Variants in IL11 observed in about 807,000 individuals in gnomAD.
The protein encoded by IL11 is interleukin 11.
IL11 carries 17 observed loss-of-function variants against 18.1 expected under a neutral mutation model. The observed-to-expected ratio is 0.94, with a 90% CI of 0.64 to 1.41. The LOEUF (loss-of-function observed/expected upper bound fraction) is 1.41, where lower values mean the gene tolerates loss of function less well. IL11 is among the 40% of genes most tolerant of loss of function. IL11 has a pLI of 0.00. For missense variants in IL11, 309 were observed against 262.8 expected (o/e 1.18, Z -1.22); for synonymous variants, 144 against 134.1 (o/e 1.07, Z -0.51).
chr19:55,369,026 G>A lies in IL11; in HGVS notation c.8-85C>T. 8.0e-7 allele frequency: 1 copy of A among 1,251,238 alleles called. No individual in the cohort carries two copies. 77.5% of individuals were successfully genotyped at this position (1,251,238 alleles called of 1,614,324 possible). A position where few individuals can be genotyped will look rare whatever the true frequency, so the allele number is the denominator to read the frequency against. ...TGGGCCTGGACTCCCGGGTCTGAGG[G>A]AGGAGGAACTGGGGTCTGGACTCCT... is the stretch of plus-strand genomic sequence containing the variant. On this transcript the variant is annotated intron_variant, in intron 1 of 4. Transcript: ENST00000264563. This position sits in a 1 kb window ranked among gnomAD's most constrained non-coding sequence, Gnocchi z 6.1.
In IL11 at chr19:55,370,404, C is replaced by A; in HGVS notation, c.-94G>T. ...CCGCTGCCGGGGGAGCCCCGAGGGT[C>A]AGCTGGGCCGCGGCCTGGGGAGGGG... On this transcript the variant is annotated 5_prime_UTR_variant, in exon 1 of 5. It removes the in-frame stop codon of an upstream open reading frame in the 5' UTR. Coordinates refer to ENST00000264563, the MANE Select transcript of IL11 (RefSeq NM_000641.4). 2 of 1,143,134 alleles carry A rather than the reference C, an allele frequency of 1.7e-6. No individual in the cohort carries two copies. The highest frequency in any genetic ancestry group is 4.3e-5 in the South Asian group (2 of 46,746). 70.8% of individuals were successfully genotyped at this position (1,143,134 alleles called of 1,614,324 possible).
At position 55,366,055 on chromosome 19, in the gene IL11, T is replaced by C. The variant is rs2089783106; in HGVS notation, c.552A>G (p.Thr184=). The change falls in exon 5 of 5, where the codon ACA becomes ACG. Residue 184 remains threonine, a synonymous_variant. Transcript: ENST00000264563. This position sits in a 1 kb window ranked among gnomAD's most constrained non-coding sequence, Gnocchi z 4.6. ...AHAILGGLHL[T]LDWAVRGLLL... is the part of the protein sequence containing the mutation. ...GCAGTCCCCTCACGGCCCAGTCAAGTGTCAGGTGCAGCCCCCCCAGGATGG... is the reference window on the plus strand; with the variant it reads ...GCAGTCCCCTCACGGCCCAGTCAAGCGTCAGGTGCAGCCCCCCCAGGATGG... 2 of 1,601,792 alleles carry C rather than the reference T, an allele frequency of 1.2e-6. No individual in the cohort carries two copies. Among genetic ancestry groups the C allele is most frequent in the African/African-American group, 2.7e-5 (2 of 74,640 alleles).
chr19:55,367,209 GAGTCGTAC>G (rs1374348007), intron 4 of IL11, among the ~76,000 whole-genome samples: 1 of 151,984 alleles, frequency 6.6e-6, no homozygotes, highest in African/African-American at 2.4e-5. Context: ...GAGGGTCTTG[GAGTCGTAC>G]AGGCGCAGGC....
rs4252562 is a variant in IL11 at position 55,364,794 on chromosome 19, G to T, written c.*1213C>A. 0.067 allele frequency: 10,225 copies of T among 152,194 alleles called. 425 individuals carry two copies. Among genetic ancestry groups the T allele is most frequent in the Middle Eastern group, 0.13 (37 of 294 alleles). 9.4% of individuals were successfully genotyped at this position (152,194 alleles called of 1,614,324 possible). The stretch of plus-strand genomic sequence containing the variant: ...AGCCACCATGCCTGGCCAATGTCAG[G>T]ATATCTTTCTATATCCCAAGCAAGC... On this transcript the variant is annotated 3_prime_UTR_variant, in exon 5 of 5. Coordinates refer to ENST00000264563, the MANE Select transcript of IL11 (RefSeq NM_000641.4).
intron 4 of IL11, among the ~76,000 whole-genome samples, chr19:55,367,450 C>CTTTTTTTTT (rs980514763): frequency 1.4e-5 from 1 of 69,816 alleles, no homozygotes; most frequent in Non-Finnish European, 2.6e-5. Context: ...TCTTTTCCTT[C>CTTTTTTTTT]TTTTTTTTTT....
chr19:55,368,622 C>A (rs1180697168), intron 2 of IL11, 53 bp from the exon 3 acceptor site: 1 of 1,531,590 alleles, frequency 6.5e-7, no homozygotes, highest in Non-Finnish European at 8.9e-7. Flanking sequence ...GGGGCTCCCT[C>A]CATCCCCCAC....
rs545454662 is a variant in IL11, at chr19:55,369,135, G to A, written c.8-194C>T. On this transcript the variant is annotated intron_variant, in intron 1 of 4. Coordinates refer to ENST00000264563, the MANE Select transcript of IL11 (RefSeq NM_000641.4). The surrounding 1 kb of genome is among the most constrained non-coding windows in gnomAD (Gnocchi z 6.1). Reference sequence around the variant, plus strand: ...CCTGGGGTCTGGACTCCTGGGTCTCGGGGAGGAGGGTCTGGGGCCTGGACT... The same window carrying A: ...CCTGGGGTCTGGACTCCTGGGTCTCAGGGAGGAGGGTCTGGGGCCTGGACT... 2.0e-4 allele frequency: 96 copies of A among 483,304 alleles called. No homozygotes were observed. The highest frequency in any genetic ancestry group is 5.4e-4 in the Middle Eastern group (1 of 1,860). The allele number at this position is 483,304 out of a possible 1,614,324, so 29.9% of individuals were successfully genotyped here.
chr19:55,366,037 C>T lies in IL11; in HGVS notation c.570G>A (p.Arg190=). Residue 190 remains arginine (R), a synonymous_variant, in exon 5 of 5, where the codon AGG becomes AGA. Coordinates refer to ENST00000264563, the MANE Select transcript of IL11 (RefSeq NM_000641.4). This position sits in a 1 kb window ranked among gnomAD's most constrained non-coding sequence, Gnocchi z 4.6. Reference sequence around the variant, plus strand: ...GCCGAGTCTTCAGCAGCAGCAGTCCCCTCACGGCCCAGTCAAGTGTCAGGT... The same window carrying T: ...GCCGAGTCTTCAGCAGCAGCAGTCCTCTCACGGCCCAGTCAAGTGTCAGGT... ...GLHLTLDWAV[R]GLLLLKTRL is the part of the protein sequence containing the mutation. The T allele has an allele frequency of 6.2e-7, 1 of 1,604,214 alleles. No homozygotes were observed. Among genetic ancestry groups the T allele is most frequent in the Non-Finnish European group, 8.5e-7 (1 of 1,176,518 alleles).
chr19:55,366,294 C>A lies in IL11; in HGVS notation c.430-117G>T. The stretch of plus-strand genomic sequence containing the variant: ...GCATATTCACAGGGGGACTGTGGCG[C>A]GTGGGGTGAAGTGTTTAGGCCGGGA... On this transcript the variant is annotated intron_variant, in intron 4 of 4. Transcript: ENST00000264563. The surrounding 1 kb of genome is among the most constrained non-coding windows in gnomAD (Gnocchi z 4.6). 1 of 1,090,948 alleles carries A rather than the reference C, an allele frequency of 9.2e-7. No individual in the cohort carries two copies. 67.6% of individuals were successfully genotyped at this position (1,090,948 alleles called of 1,614,324 possible). A position where few individuals can be genotyped will look rare whatever the true frequency, so the allele number is the denominator to read the frequency against.
chr19:55,369,557 C>T lies in IL11; in HGVS notation c.8-616G>A, dbSNP rs575852882. ...CGGCAGAAGCCCGGGCCGCAGCGCA[C>T]CTGGGCGGAGAGGGGCAGAGCCATG... On this transcript the variant is annotated intron_variant, in intron 1 of 4. Coordinates refer to ENST00000264563, the MANE Select transcript of IL11 (RefSeq NM_000641.4). The surrounding 1 kb of genome is among the most constrained non-coding windows in gnomAD (Gnocchi z 6.1). Among the ~76,000 whole-genome samples, 322 of 150,550 alleles carry T rather than the reference C, an allele frequency of 2.1e-3. 2 individuals carry two copies. The Middle Eastern group carries it at 0.025, about 12-fold the overall frequency.
In IL11 at chr19:55,366,215, GT is replaced by G; in HGVS notation, c.430-39del. ...GAGAGAGGTGAGTCACAGGTAGGGG[GT>G]GCAGCGGGGGTGCAGGGCAGGGGTG... On this transcript the variant is annotated intron_variant, in intron 4 of 4. Transcript: ENST00000264563. The surrounding 1 kb of genome is among the most constrained non-coding windows in gnomAD (Gnocchi z 4.6). 11 of 1,449,306 alleles carry G rather than the reference GT, an allele frequency of 7.6e-6. No homozygotes were observed. The highest frequency in any genetic ancestry group is 1.0e-5 in the Non-Finnish European group (11 of 1,101,260). 89.8% of individuals were successfully genotyped at this position (1,449,306 alleles called of 1,614,324 possible).
At chr19:55,370,114 C>T (rs977369636) in intron 1 of IL11, among the ~76,000 whole-genome samples, 190 bp downstream of exon 1, 1 of 152,156 alleles carries the variant, frequency 6.6e-6, no homozygotes, top group African/African-American at 2.4e-5. Flanking sequence ...CTGCCTCCAT[C>T]CGCTCCTGTC....
rs772605494 is a variant in IL11 at position 55,366,150 on chromosome 19, G to T, written c.457C>A (p.Pro153Thr). 2.7e-6 allele frequency: 4 copies of T among 1,507,348 alleles called. No individual in the cohort carries two copies. Among genetic ancestry groups the T allele is most frequent in the Non-Finnish European group, 3.6e-6 (4 of 1,122,316 alleles). 93.4% of individuals were successfully genotyped at this position (1,507,348 alleles called of 1,614,324 possible). ...AGCGGGGGCGCCGGCGGGTCCGGGG[G>T]TGGCTGGGGCAGGGCCAGGCGGGAC... The part of the protein sequence containing the change: ...LMSRLALPQP[P>T]PDPPAPPLAP... The change falls in exon 5 of 5, where the codon CCC becomes ACC. Residue 153 changes from proline (P) to threonine (T), a missense_variant. Physicochemically the swap from Pro to Thr is conservative, Grantham distance 38 (BLOSUM62 -1). Transcript: ENST00000264563. The surrounding 1 kb of genome is among the most constrained non-coding windows in gnomAD (Gnocchi z 4.6).
chr19:55,369,930 C>T lies in IL11; in HGVS notation c.7+374G>A, dbSNP rs2089812175. Among the ~76,000 whole-genome samples, 1 of 152,024 alleles carries T rather than the reference C, an allele frequency of 6.6e-6. No homozygotes were observed. The highest frequency in any genetic ancestry group is 6.5e-5 in the Admixed American group (1 of 15,278). On this transcript the variant is annotated intron_variant, in intron 1 of 4. Transcript: ENST00000264563. This position sits in a 1 kb window ranked among gnomAD's most constrained non-coding sequence, Gnocchi z 6.1. ...GCCTCAGTTTCCCTCCGGAGCCTCT[C>T]TGCCGGAATCCCAGGGAGTCTCCCG... is the stretch of plus-strand genomic sequence containing the variant.
In IL11 at chr19:55,369,057, G is replaced by A; in HGVS notation, c.8-116C>T. The A allele has an allele frequency of 1.2e-6, 1 of 869,286 alleles. No homozygotes were observed. The highest frequency in any genetic ancestry group is 1.7e-6 in the Non-Finnish European group (1 of 604,284). The allele number at this position is 869,286 out of a possible 1,614,324, so 53.8% of individuals were successfully genotyped here. A position where few individuals can be genotyped will look rare whatever the true frequency, so the allele number is the denominator to read the frequency against. On this transcript the variant is annotated intron_variant, in intron 1 of 4. Coordinates refer to ENST00000264563, the MANE Select transcript of IL11 (RefSeq NM_000641.4). The surrounding 1 kb of genome is among the most constrained non-coding windows in gnomAD (Gnocchi z 6.1). The stretch of plus-strand genomic sequence containing the variant: ...GAACTGGGGTCTGGACTCCTCCTGG[G>A]TCTGAGGGAGGAGAGGCTGGGGGCC...
At position 55,365,977 on chromosome 19, in the gene IL11, G is replaced by T. The variant is rs745700780; in HGVS notation, c.*30C>A. 5 of 1,577,892 alleles carry T rather than the reference G, an allele frequency of 3.2e-6. No homozygotes were observed. Among genetic ancestry groups the T allele is most frequent in the East Asian group, 2.3e-5 (1 of 43,154 alleles). ...AAATAAATAAATAAGATCTGGCTTTGGAAGGACGGTGGTGGCTTTGGGCCC... is the reference window on the plus strand; with the variant it reads ...AAATAAATAAATAAGATCTGGCTTTTGAAGGACGGTGGTGGCTTTGGGCCC... On this transcript the variant is annotated 3_prime_UTR_variant, in exon 5 of 5. Coordinates refer to ENST00000264563, the MANE Select transcript of IL11 (RefSeq NM_000641.4).
At position 55,368,302 on chromosome 19, in the gene IL11, G is replaced by T. The variant is rs758161997; in HGVS notation, c.337C>A (p.Arg113=). 6.3e-7 allele frequency: 1 copy of T among 1,580,838 alleles called. No individual in the cohort carries two copies. Residue 113 remains arginine (R), a synonymous_variant, in exon 4 of 5, where the codon CGG becomes AGG. Transcript: ENST00000264563. ...SYLRHVQWLR[R]AGGSSLKTLE... Reference sequence around the variant, plus strand: ...GTCTTCAGGGAAGAGCCACCTGCCCGGCGCAGCCACTGCACGTGCCGCAGG... The same window carrying T: ...GTCTTCAGGGAAGAGCCACCTGCCCTGCGCAGCCACTGCACGTGCCGCAGG...
In IL11 at chr19:55,366,097, G is replaced by A; in HGVS notation, c.510C>T (p.Gly170=). 6.4e-7 allele frequency: 1 copy of A among 1,573,194 alleles called. No individual in the cohort carries two copies. Among genetic ancestry groups the A allele is most frequent in the Non-Finnish European group, 8.6e-7 (1 of 1,161,074 alleles). ...PLAPPSSAWG[G]IRAAHAILGG... is the part of the protein sequence containing the mutation. The stretch of plus-strand genomic sequence containing the variant: ...CCAGGATGGCGTGGGCGGCCCTGAT[G>A]CCCCCCCAGGCTGAGGAGGGGGGCG... The change falls in exon 5 of 5, where the codon GGC becomes GGT. Residue 170 remains glycine, a synonymous_variant. Coordinates refer to ENST00000264563, the MANE Select transcript of IL11 (RefSeq NM_000641.4). This position sits in a 1 kb window ranked among gnomAD's most constrained non-coding sequence, Gnocchi z 4.6.
intron 4 of IL11, among the ~76,000 whole-genome samples, chr19:55,367,761 G>T (rs1272170035): frequency 6.6e-6 from 1 of 152,022 alleles, no homozygotes; most frequent in Non-Finnish European, 1.5e-5. Flanking sequence ...CGCCTGGCCA[G>T]GTCCATGGTT....
Sources: gnomAD v4.1 joint callset for allele counts (sites outside exome capture counted in the v4.1 genomes callset) on GRCh38, gnomAD v4.1.1 for gene constraint, Gnocchi (gnomAD v3.1) non-coding constraint, MANE v1.5 for transcripts, NCBI Gene and HGNC (gene_info 2026-07-23, HGNC 2026-07-21) for gene names.